DCT: variants seen among roughly 807,000 people sequenced by gnomAD.
DCT encodes dopachrome tautomerase, also known as L-dopachrome tautomerase.
Under a neutral mutation model 53.0 loss-of-function variants are expected in DCT, and 47 were observed. That is an observed-to-expected ratio of 0.89 (90% CI 0.70 to 1.13). The LOEUF is 1.13. DCT is among the 50% of genes most tolerant of loss of function. DCT has a pLI of 0.00. For synonymous variants in DCT, 244 were observed against 237.0 expected, an observed-to-expected ratio of 1.03 and a Z score of -0.27; for missense variants, 669 against 637.4, an observed-to-expected ratio of 1.05 and a Z score of -0.53.
chr13:94,453,426 C>A (rs1035793315), intron 6 of DCT, among the ~76,000 whole-genome samples: 1 of 151,930 alleles, frequency 6.6e-6, no homozygotes. Context: ...AATCATAAAC[C>A]AATAAAAATA....
chr13:94,445,545 G>C, intron 6 of DCT: 2 of 599,240 alleles, frequency 3.3e-6, no homozygotes, highest in South Asian at 4.2e-5. Flanking sequence ...AAGATGCTAG[G>C]CTAGAACTGC....
chr13:94,494,545 AG>A, the DCT span, among the ~76,000 whole-genome samples: 1 of 152,140 alleles, frequency 6.6e-6, no homozygotes, highest in Non-Finnish European at 1.5e-5. Flanking sequence ...CAGCAAAATT[AG>A]GAAGTAAATG....
chr13:94,452,517 C>G, intron 6 of DCT: 1 of 673,028 alleles, frequency 1.5e-6, no homozygotes, highest in South Asian at 1.8e-5. Flanking sequence ...GAATATTGTC[C>G]AAACTTCTAG....
chr13:94,439,872 C>T lies in DCT; in HGVS notation c.*26G>A, dbSNP rs371868717. On this transcript the variant is annotated 3_prime_UTR_variant, in exon 8 of 8. Coordinates refer to ENST00000377028, the MANE Select transcript of DCT (RefSeq NM_001922.5). ...GTCAGAACTGTGGCTTGGCCAGCCT[C>T]TTCTCTTAGGTAAGGCATGAGCACC... The T allele has an allele frequency of 3.8e-6, 6 of 1,586,170 alleles. No homozygotes were observed. In the African/African-American group the frequency reaches 6.8e-5, roughly 18 times the overall value.
At chr13:94,502,986 C>A in the DCT span, among the ~76,000 whole-genome samples, 1 of 152,190 alleles carries the variant, frequency 6.6e-6, no homozygotes, top group East Asian at 1.9e-4. Flanking sequence ...TTGTTAGAAA[C>A]ACCGTGGTGG....
At chr13:94,539,435 T>G in the DCT span, among the ~76,000 whole-genome samples, 1 of 152,238 alleles carries the variant, frequency 6.6e-6, no homozygotes, top group Non-Finnish European at 1.5e-5. Flanking sequence ...ACCAACCTAT[T>G]ATTAGAAAAT....
the DCT span, among the ~76,000 whole-genome samples, chr13:94,508,972 T>C: frequency 6.6e-6 from 1 of 152,140 alleles, no homozygotes; most frequent in Non-Finnish European, 1.5e-5. Flanking sequence ...GCCTTTGCTT[T>C]GCCACTGAAT....
At chr13:94,513,850 G>A in the DCT span, among the ~76,000 whole-genome samples, 1 of 152,096 alleles carries the variant, frequency 6.6e-6, no homozygotes, top group East Asian at 1.9e-4. Flanking sequence ...GCCAGGCATG[G>A]TGGCAGGCGC....
the DCT span, among the ~76,000 whole-genome samples, chr13:94,536,835 T>C: frequency 1.3e-5 from 2 of 152,046 alleles, no homozygotes; most frequent in Admixed American, 6.6e-5. Context: ...TCCCAGCTAC[T>C]CTGAAGACTG....
At chr13:94,547,865 C>T in the DCT span, among the ~76,000 whole-genome samples, 1 of 148,526 alleles carries the variant, frequency 6.7e-6, no homozygotes, top group Admixed American at 6.8e-5. Context: ...TGGCGGGTGC[C>T]TGTAATCCCA....
At chr13:94,452,883 A>T (rs141506293) in intron 6 of DCT, among the ~76,000 whole-genome samples, 15 of 152,270 alleles carry the variant, frequency 9.9e-5, no homozygotes, top group Admixed American at 9.8e-4. Context: ...AAATATATAA[A>T]CATATTTGTT....
chr13:94,492,638 T>G, the DCT span, among the ~76,000 whole-genome samples: 2 of 152,336 alleles, frequency 1.3e-5, no homozygotes, highest in Non-Finnish European at 2.9e-5. Flanking sequence ...GCTAATGTCT[T>G]CCAAATCAAA....
At chr13:94,518,166 G>A in the DCT span, among the ~76,000 whole-genome samples, 39,600 of 143,018 alleles carry the variant, frequency 0.28, 6,453 homozygotes, top group East Asian at 0.55. Context: ...ATGAAGGAAG[G>A]AAGGAAGAAA....
chr13:94,533,353 C>T, the DCT span, among the ~76,000 whole-genome samples: 476 of 148,298 alleles, frequency 3.2e-3, 2 homozygotes, highest in African/African-American at 0.011. Flanking sequence ...AAATATTTAC[C>T]GAAAATGTTT....
intron 7 of DCT, among the ~76,000 whole-genome samples, chr13:94,441,084 T>C (rs1882273039): frequency 6.6e-6 from 1 of 152,194 alleles, no homozygotes; most frequent in South Asian, 2.1e-4. Flanking sequence ...ATTTGTTCTA[T>C]ACCTTACACT....
the DCT span, among the ~76,000 whole-genome samples, chr13:94,530,272 T>TCC: frequency 6.6e-6 from 1 of 152,194 alleles, no homozygotes; most frequent in African/African-American, 2.4e-5. Context: ...GAGGGAATCC[T>TCC]CCCGAACTCA....
the DCT span, among the ~76,000 whole-genome samples, chr13:94,484,700 G>C: frequency 6.6e-6 from 1 of 152,148 alleles, no homozygotes; most frequent in African/African-American, 2.4e-5. Flanking sequence ...TGCACTTCTG[G>C]TGCCTTCTCA....
chr13:94,520,830 T>C, the DCT span, among the ~76,000 whole-genome samples: 1 of 152,206 alleles, frequency 6.6e-6, no homozygotes, highest in Non-Finnish European at 1.5e-5. Context: ...TCTATAATAA[T>C]TAGTCCCCAG....
chr13:94,444,915 T>C (rs984892927), intron 6 of DCT, among the ~76,000 whole-genome samples: 1 of 152,212 alleles, frequency 6.6e-6, no homozygotes, highest in African/African-American at 2.4e-5. Flanking sequence ...ACCTTTGAAG[T>C]CTCAGGTTTA....
Sources: gnomAD v4.1 joint callset for allele counts (sites outside exome capture counted in the v4.1 genomes callset) on GRCh38, gnomAD v4.1.1 for gene constraint, MANE v1.5 for transcripts, NCBI Gene and HGNC (gene_info 2026-07-23, HGNC 2026-07-21) for gene names.